Variants in WWOX observed in about 807,000 individuals in gnomAD.
The protein encoded by WWOX is WW domain containing oxidoreductase.
In WWOX, 69 loss-of-function variants were observed where a neutral mutation model predicts 46.2. The observed-to-expected ratio is 1.49, with a 90% CI of 1.23 to 1.82. The LOEUF is 1.82. Ranked by LOEUF, WWOX falls within the 40% of genes most tolerant of loss-of-function variation. The probability of loss-of-function intolerance (pLI) is 0.00; values close to 1 mark genes in which losing one functional copy is unlikely to be tolerated. For missense variants in WWOX, 919 were observed against 542.6 expected (o/e 1.69, Z -6.89); for synonymous variants, 359 against 202.6 (o/e 1.77, Z -6.56).
chr16:78,440,266 G>A (rs1037147921), intron 8 of WWOX, among the ~76,000 whole-genome samples: 8 of 152,072 alleles, frequency 5.3e-5, no homozygotes, highest in African/African-American at 1.9e-4. Context: ...AGTCTTCCCC[G>A]GTCCCCATCC....
At chr16:78,991,201 C>G (rs906491956) in intron 8 of WWOX, among the ~76,000 whole-genome samples, 10 of 152,180 alleles carry the variant, frequency 6.6e-5, no homozygotes, top group Non-Finnish European at 1.5e-5. Flanking sequence ...ATTCTCACCA[C>G]TGTGCTTAGG....
intron 8 of WWOX, among the ~76,000 whole-genome samples, chr16:79,120,440 C>T (rs2049605905): frequency 6.6e-6 from 1 of 152,208 alleles, no homozygotes; most frequent in Non-Finnish European, 1.5e-5. Context: ...TTAGGCGCCC[C>T]TCCTGCCAAG....
At chr16:78,144,520 TA>T (rs1415291535) in intron 4 of WWOX, among the ~76,000 whole-genome samples, 2,420 of 26,060 alleles carry the variant, frequency 0.093, 286 homozygotes, top group Non-Finnish European at 0.12. Context: ...TATATATATA[TA>T]TATTTTTTTT....
intron 6 of WWOX, among the ~76,000 whole-genome samples, chr16:78,418,692 A>G (rs1208573881): frequency 1.3e-5 from 2 of 152,196 alleles, no homozygotes; most frequent in East Asian, 3.9e-4. Flanking sequence ...ATAGTAGAAT[A>G]AAAGATCCTC....
intron 8 of WWOX, among the ~76,000 whole-genome samples, chr16:78,545,217 A>G (rs1307756237): frequency 4.6e-5 from 7 of 152,112 alleles, no homozygotes; most frequent in African/African-American, 1.4e-4. Flanking sequence ...AAGGGTCAAA[A>G]CTTTTGTTGG....
chr16:78,563,165 G>A (rs1205715521), intron 8 of WWOX, among the ~76,000 whole-genome samples: 1 of 152,124 alleles, frequency 6.6e-6, no homozygotes, highest in East Asian at 1.9e-4. Flanking sequence ...AAGGATGTCT[G>A]CAATCAAGAT....
At chr16:78,523,634 A>T (rs2043396184) in intron 8 of WWOX, among the ~76,000 whole-genome samples, 1 of 152,178 alleles carries the variant, frequency 6.6e-6, no homozygotes, top group Non-Finnish European at 1.5e-5. Context: ...GGGTGAAAAA[A>T]CTTCGCTTTT....
intron 5 of WWOX, among the ~76,000 whole-genome samples, chr16:78,333,043 C>CTTTTTTTTT (rs11289222): frequency 1.2e-4 from 7 of 57,124 alleles, no homozygotes; most frequent in Admixed American, 2.3e-4. Context: ...GAGCATTATA[C>CTTTTTTTTT]TTTTTTTTTT....
At chr16:79,008,690 C>G (rs543407419) in intron 8 of WWOX, among the ~76,000 whole-genome samples, 2 of 152,296 alleles carry the variant, frequency 1.3e-5, no homozygotes, top group South Asian at 2.1e-4. Context: ...TCTCCCTACT[C>G]CCTTCACTCC....
chr16:78,879,201 C>T (rs2044292723), intron 8 of WWOX, among the ~76,000 whole-genome samples: 1 of 152,124 alleles, frequency 6.6e-6, no homozygotes, highest in South Asian at 2.1e-4. Flanking sequence ...TCATAGACCT[C>T]AGTTGCAACA....
At chr16:78,430,550 C>A (rs556456893) in intron 7 of WWOX, among the ~76,000 whole-genome samples, 1 of 152,082 alleles carries the variant, frequency 6.6e-6, no homozygotes, top group Non-Finnish European at 1.5e-5. Context: ...ATCTGCCATC[C>A]CTGCTACCAT....
intron 8 of WWOX, among the ~76,000 whole-genome samples, chr16:78,930,366 C>G (rs2045597464): frequency 6.6e-6 from 1 of 151,230 alleles, no homozygotes; most frequent in African/African-American, 2.4e-5. Flanking sequence ...CAGCCTCAAC[C>G]TCCTGGGCTC....
At chr16:78,991,859 A>ATGTGGGGCCC (rs2046893915) in intron 8 of WWOX, among the ~76,000 whole-genome samples, 1 of 152,118 alleles carries the variant, frequency 6.6e-6, no homozygotes, top group Non-Finnish European at 1.5e-5. Flanking sequence ...ACTCCTGTCC[A>ATGTGGGGCCC]TGTGGGGCCC....
chr16:78,185,680 A>G (rs1008245177), intron 5 of WWOX, among the ~76,000 whole-genome samples: 1 of 151,968 alleles, frequency 6.6e-6, no homozygotes, highest in African/African-American at 2.4e-5. Context: ...TTTATTTTTT[A>G]TTTTTACATG....
intron 4 of WWOX, among the ~76,000 whole-genome samples, chr16:78,162,120 T>C (rs1230438795): frequency 1.3e-5 from 2 of 152,222 alleles, no homozygotes; most frequent in African/African-American, 2.4e-5. Context: ...TGTGGGTCTA[T>C]ACGTGACACT....
chr16:78,984,426 C>G lies in WWOX; in HGVS notation c.1057-227182C>G, dbSNP rs1306660318. Among the ~76,000 whole-genome samples the G allele has an allele frequency of 7.2e-5, 11 of 152,022 alleles. No individual in the cohort carries two copies. The East Asian group carries it at 1.7e-3, about 24-fold the overall frequency. ...GTCATATAGTCTCTGTTTCAATTAC[C>G]CAACTCTGCTGTTGTAGTGCAAAAG... On this transcript the variant is annotated intron_variant, in intron 8 of 8. Coordinates refer to ENST00000566780, the MANE Select transcript of WWOX (RefSeq NM_016373.4).
chr16:78,480,343 C>G (rs2084456981), intron 8 of WWOX, among the ~76,000 whole-genome samples: 1 of 152,168 alleles, frequency 6.6e-6, no homozygotes, highest in African/African-American at 2.4e-5. Context: ...CACTTGGGTT[C>G]CGAGAGGAAA....
At chr16:78,849,278 A>G (rs2052378743) in intron 8 of WWOX, among the ~76,000 whole-genome samples, 2 of 152,254 alleles carry the variant, frequency 1.3e-5, no homozygotes, top group South Asian at 2.1e-4. Context: ...TTGTCAAAAA[A>G]CACAACGACA....
intron 8 of WWOX, among the ~76,000 whole-genome samples, chr16:78,845,194 AAG>A (rs2052267239): frequency 6.6e-6 from 1 of 151,700 alleles, no homozygotes; most frequent in African/African-American, 2.4e-5. Context: ...AAAAAAAAAA[AAG>A]AATCCATTCA....
Sources: allele counts gnomAD v4.1 joint callset (sites outside exome capture counted in the v4.1 genomes callset), GRCh38; gene constraint gnomAD v4.1.1; transcripts MANE v1.5; gene names NCBI Gene and HGNC (gene_info 2026-07-23, HGNC 2026-07-21).